Variants in TRPM3 observed in about 807,000 individuals in gnomAD.
TRPM3 encodes long transient receptor potential channel 3.
Under a neutral mutation model 181.2 loss-of-function variants are expected in TRPM3, and 77 were observed. The observed-to-expected ratio is 0.42, with a 90% CI of 0.35 to 0.51. The LOEUF is 0.51. Ranked by LOEUF, TRPM3 falls within the 20% of genes least tolerant of loss-of-function variation. TRPM3 has a pLI of 0.01. For synonymous variants in TRPM3, 745 were observed against 796.4 expected (o/e 0.94, Z 1.09); for missense variants, 1,759 against 2,196.7 (o/e 0.80, Z 3.98).
At chr9:70,891,067 T>C (rs2096194434) in intron 1 of TRPM3, among the ~76,000 whole-genome samples, 1 of 152,144 alleles carries the variant, frequency 6.6e-6, no homozygotes, top group Non-Finnish European at 1.5e-5. Context: ...ATATACCTAA[T>C]GTCAATGACG....
At chr9:70,751,460 T>C (rs1343920654) in intron 8 of TRPM3, among the ~76,000 whole-genome samples, 1 of 151,900 alleles carries the variant, frequency 6.6e-6, no homozygotes, top group Non-Finnish European at 1.5e-5. Context: ...AAAGAGAAAT[T>C]GACACAATCT....
intron 1 of TRPM3, among the ~76,000 whole-genome samples, chr9:70,956,599 T>C (rs1590061308): frequency 6.6e-6 from 1 of 152,126 alleles, no homozygotes; most frequent in Non-Finnish European, 1.5e-5. Flanking sequence ...ATTAAAAAAT[T>C]CTTAGGCTGG....
intron 1 of TRPM3, among the ~76,000 whole-genome samples, chr9:71,419,522 T>C (rs951807613): frequency 1.3e-4 from 20 of 152,024 alleles, no homozygotes; most frequent in African/African-American, 4.1e-4. Context: ...ATTAATTTCT[T>C]TTAGCCATAA....
At chr9:71,051,599 G>A (rs1469356850) in intron 1 of TRPM3, among the ~76,000 whole-genome samples, 1 of 151,930 alleles carries the variant, frequency 6.6e-6, no homozygotes, top group Admixed American at 6.6e-5. Context: ...AATGGCGGCG[G>A]GGTGGGGGGG....
chr9:71,317,676 TATAC>T (rs1292662104), intron 1 of TRPM3, among the ~76,000 whole-genome samples: 33 of 86,960 alleles, frequency 3.8e-4, no homozygotes, highest in Admixed American at 2.7e-3. Context: ...AATATATATA[TATAC>T]ACACACACAC....
chr9:71,022,294 A>T (rs2097853208), intron 1 of TRPM3, among the ~76,000 whole-genome samples: 1 of 152,206 alleles, frequency 6.6e-6, no homozygotes, highest in Non-Finnish European at 1.5e-5. Flanking sequence ...TCATTGGAGG[A>T]GTGGATAGCT....
At chr9:70,552,068 T>C (rs1344644802) in intron 24 of TRPM3, among the ~76,000 whole-genome samples, 2 of 152,184 alleles carry the variant, frequency 1.3e-5, no homozygotes, top group Non-Finnish European at 2.9e-5. Flanking sequence ...GAGGCTCTTG[T>C]TCAGTAGATT....
intron 1 of TRPM3, among the ~76,000 whole-genome samples, chr9:71,402,428 C>T (rs535716582): frequency 3.3e-5 from 5 of 152,216 alleles, no homozygotes; most frequent in Admixed American, 2.6e-4. Flanking sequence ...TAGTCTCCTC[C>T]CTACTCAGCT....
At chr9:70,558,694 G>A (rs930163265) in intron 22 of TRPM3, among the ~76,000 whole-genome samples, 1 of 152,216 alleles carries the variant, frequency 6.6e-6, no homozygotes, top group Non-Finnish European at 1.5e-5. Context: ...CCTGGCCAAA[G>A]TTAAAGTGAA....
At chr9:70,980,064 C>A (rs887964501) in intron 1 of TRPM3, among the ~76,000 whole-genome samples, 1 of 138,732 alleles carries the variant, frequency 7.2e-6, no homozygotes, top group Non-Finnish European at 1.6e-5. Flanking sequence ...CATGCATGTG[C>A]GTGCACACAC....
At chr9:71,070,634 C>T (rs954560207) in intron 1 of TRPM3, among the ~76,000 whole-genome samples, 6 of 152,072 alleles carry the variant, frequency 3.9e-5, no homozygotes, top group East Asian at 1.9e-4. Context: ...CAAATAAAAA[C>T]GTATTCACTT....
At chr9:70,866,543 A>C (rs1460385401) in intron 1 of TRPM3, among the ~76,000 whole-genome samples, 1 of 152,064 alleles carries the variant, frequency 6.6e-6, no homozygotes, top group Non-Finnish European at 1.5e-5. Context: ...TTTTGGGGGT[A>C]CTATGCTTTG....
At chr9:71,220,272 T>G (rs1273787302) in intron 1 of TRPM3, among the ~76,000 whole-genome samples, 1 of 152,118 alleles carries the variant, frequency 6.6e-6, no homozygotes, top group East Asian at 1.9e-4. Flanking sequence ...ATAGGGGCAT[T>G]AGAATAGTTA....
intron 1 of TRPM3, among the ~76,000 whole-genome samples, chr9:71,384,007 TGAG>T (rs1375037629): frequency 6.6e-6 from 1 of 152,210 alleles, no homozygotes. Flanking sequence ...AAGCATAACT[TGAG>T]TAGTAATTAG....
intron 16 of TRPM3, 81 bp from the exon 17 acceptor site, chr9:70,619,176 GA>G: frequency 8.6e-7 from 1 of 1,159,792 alleles, no homozygotes; most frequent in Non-Finnish European, 1.2e-6. Context: ...TGGCCAACCA[GA>G]AAATGGGGTC....
intron 1 of TRPM3, among the ~76,000 whole-genome samples, chr9:71,173,770 G>A (rs2076976442): frequency 6.6e-6 from 1 of 152,188 alleles, no homozygotes; most frequent in Non-Finnish European, 1.5e-5. Flanking sequence ...AGGACACCTT[G>A]AATCAACTTT....
chr9:71,277,369 T>A (rs1393126483), intron 1 of TRPM3, among the ~76,000 whole-genome samples: 1 of 152,234 alleles, frequency 6.6e-6, no homozygotes, highest in Non-Finnish European at 1.5e-5. Context: ...ACACTGCATT[T>A]ATTTTGTTTA....
At chr9:71,343,218 A>G (rs906486537) in intron 1 of TRPM3, among the ~76,000 whole-genome samples, 3 of 152,116 alleles carry the variant, frequency 2.0e-5, no homozygotes, top group Admixed American at 6.6e-5. Context: ...GCATACAAAA[A>G]TAAGTTAAAA....
chr9:71,150,659 C>A (rs1274271870), intron 1 of TRPM3, among the ~76,000 whole-genome samples: 1 of 152,064 alleles, frequency 6.6e-6, no homozygotes, highest in Non-Finnish European at 1.5e-5. Flanking sequence ...ATAGCCTTCT[C>A]CTACAACCAC....
Sources: gnomAD v4.1 joint callset for allele counts (sites outside exome capture counted in the v4.1 genomes callset) on GRCh38, gnomAD v4.1.1 for gene constraint, MANE v1.5 for transcripts, NCBI Gene and HGNC (gene_info 2026-07-23, HGNC 2026-07-21) for gene names.